Variants in TTN observed in about 807,000 individuals in gnomAD.
TTN encodes the protein titin.
Under a neutral mutation model 3,223.0 loss-of-function variants are expected in TTN, and 1,525 were observed. That is an observed-to-expected ratio of 0.47 (90% CI 0.45 to 0.49). The LOEUF is 0.49. Ranked by LOEUF, TTN falls within the 20% of genes least tolerant of loss-of-function variation. The pLI is 0.00. For missense variants in TTN, 40,786 were observed against 43,424.0 expected, an observed-to-expected ratio of 0.94 and a Z score of 5.40; for synonymous variants, 14,094 against 15,161.0, an observed-to-expected ratio of 0.93 and a Z score of 5.17.
intron 45 of TTN, among the ~76,000 whole-genome samples, chr2:178,757,231 T>TACTGTACTTACTTTATGTA: frequency 6.7e-6 from 1 of 148,986 alleles, no homozygotes; most frequent in African/African-American, 2.5e-5. Context: ...TAAGTAATAA[T>TACTGTACTTACTTTATGTA]CAGCAAATAG....
In TTN at chr2:178,597,688, T is replaced by C; in HGVS notation, c.57394A>G (p.Thr19132Ala). 1 of 1,613,300 alleles carries C rather than the reference T, an allele frequency of 6.2e-7. No homozygotes were observed. Among genetic ancestry groups the C allele is most frequent in the South Asian group, 1.1e-5 (1 of 91,068 alleles). Residue 19132 changes from threonine to alanine, a missense_variant, in exon 294 of 363, where the codon ACC (threonine) becomes GCC (alanine). Coordinates refer to ENST00000589042, the MANE Select transcript of TTN (RefSeq NM_001267550.2). ...PTVTWNMNERTLPQEATIETT... is the reference protein window; with the variant it reads ...PTVTWNMNERALPQEATIETT... ...TCAATGGTGGCTTCTTGAGGTAAGGTTCTTTCATTCATGTTCCAGGTGACG... is the reference window on the plus strand; with the variant it reads ...TCAATGGTGGCTTCTTGAGGTAAGGCTCTTTCATTCATGTTCCAGGTGACG...
chr2:178,595,457 C>G, intron 295 of TTN, 50 bp downstream of exon 295: 1 of 1,514,072 alleles, frequency 6.6e-7, no homozygotes, highest in Non-Finnish European at 8.9e-7. Context: ...TAGTCTTGTA[C>G]TAAATGAGTA....
intron 78 of TTN, 125 bp downstream of exon 78, chr2:178,721,722 T>C (rs1168812448): frequency 6.6e-6 from 7 of 1,066,092 alleles, no homozygotes; most frequent in African/African-American, 6.4e-5. Context: ...CCTCCAACAC[T>C]AATACACAAA....
rs1561471217 is a variant in TTN, at chr2:178,795,171, TGCCTGA to T, written c.990_995del (p.Gln331_Ala332del). 57 of 1,614,170 alleles carry T rather than the reference TGCCTGA, an allele frequency of 3.5e-5. No individual in the cohort carries two copies. Among genetic ancestry groups the T allele is most frequent in the Non-Finnish European group, 4.8e-5 (57 of 1,180,020 alleles). ...CTTCAGGACCTGTGGCCACGGTGGA[TGCCTGA>T]GTCTTACGCATGAGCAATGGAGACC... On this transcript the variant is annotated inframe_deletion, in exon 7 of 363. Transcript: ENST00000589042.
At position 178,732,256 on chromosome 2, in the gene TTN, A is replaced by G. The variant is rs2080677033; in HGVS notation, c.16713T>C (p.Pro5571=). 9 of 1,613,604 alleles carry G rather than the reference A, an allele frequency of 5.6e-6. No individual in the cohort carries two copies. The highest frequency in any genetic ancestry group is 7.6e-6 in the Non-Finnish European group (9 of 1,179,768). ...TQLACKVTGT[P]PIKITWFAND... ...TTGCAAACCATGTTATTTTAATTGG[A>G]GGGGTACCAGTTACTTTGCAGGCTA... The change falls in exon 57 of 363, where the codon CCT becomes CCC. Residue 5571 remains proline, a synonymous_variant. Transcript: ENST00000589042.
Position 178,602,309 on chromosome 2 carries a change from C to T in TTN, c.55093G>A (p.Gly18365Arg), listed in dbSNP as rs779878917. Residue 18365 changes from glycine to arginine, a missense_variant, in exon 283 of 363, where the codon GGG becomes AGG. Coordinates refer to ENST00000589042, the MANE Select transcript of TTN (RefSeq NM_001267550.2). Reference protein sequence around the residue: ...AGESEPSDTTGEIPATDIQEE... With the variant: ...AGESEPSDTTREIPATDIQEE... Reference sequence around the variant, plus strand: ...TGAATATCAGTGGCAGGGATCTCCCCAGTTGTATCACTTGGTTCAGATTCA... The same window carrying T: ...TGAATATCAGTGGCAGGGATCTCCCTAGTTGTATCACTTGGTTCAGATTCA... 1.9e-6 allele frequency: 3 copies of T among 1,612,778 alleles called. No individual in the cohort carries two copies. Among genetic ancestry groups the T allele is most frequent in the Non-Finnish European group, 2.5e-6 (3 of 1,179,238 alleles).
intron 217 of TTN, 179 bp from the exon 218 acceptor site, chr2:178,644,795 T>C: frequency 2.0e-6 from 1 of 496,054 alleles, no homozygotes; most frequent in Non-Finnish European, 3.5e-6. Context: ...CAGACTGCAG[T>C]TTTACTCCAA....
At chr2:178,670,122 G>T in intron 157 of TTN, 96 bp downstream of exon 157, 1 of 724,622 alleles carries the variant, frequency 1.4e-6, no homozygotes, top group Non-Finnish European at 2.1e-6. Context: ...GTCATTCATA[G>T]CCATCTTGTG....
intron 344 of TTN, 116 bp downstream of exon 344, chr2:178,545,272 T>C (rs933715600): frequency 2.1e-5 from 19 of 907,660 alleles, no homozygotes; most frequent in Admixed American, 1.4e-4. Context: ...CAAATAAGCA[T>C]GTGCTTTTCT....
rs869320740 is a variant in TTN, at chr2:178,546,102, A to G, written c.95134T>C (p.Cys31712Arg). The change falls in exon 343 of 363, where the codon TGT (cysteine) becomes CGT (arginine). Residue 31712 changes from cysteine to arginine, a missense_variant. Coordinates refer to ENST00000589042, the MANE Select transcript of TTN (RefSeq NM_001267550.2). ...ACTCTGCTGACGGTGAGCTTTCCAC[A>G]TGGGCCAGGGGAATCTGAAACAGGT... is the stretch of plus-strand genomic sequence containing the variant. Reference protein sequence around the residue: ...MVKVLDSPGPCGKLTVSRVTQ... With the variant: ...MVKVLDSPGPRGKLTVSRVTQ... 5 of 1,607,950 alleles carry G rather than the reference A, an allele frequency of 3.1e-6. No individual in the cohort carries two copies. The highest frequency in any genetic ancestry group is 2.6e-6 in the Non-Finnish European group (3 of 1,176,134).
intron 208 of TTN, 78 bp downstream of exon 208, chr2:178,651,165 A>G: frequency 1.6e-6 from 2 of 1,238,900 alleles, no homozygotes; most frequent in Non-Finnish European, 2.3e-6. Context: ...GAGGACTCGC[A>G]AACAAAAGGT....
At chr2:178,610,701 A>G (rs865865484) in intron 270 of TTN, among the ~76,000 whole-genome samples, 46 of 152,020 alleles carry the variant, frequency 3.0e-4, no homozygotes, top group African/African-American at 1.1e-3. Flanking sequence ...AAGCTGTGCA[A>G]TTAAAAAATT....
Position 178,615,500 on chromosome 2 carries a change from G to A in TTN, c.48461-16C>T. On this transcript the variant is annotated splice_polypyrimidine_tract_variant and intron_variant, in intron 258 of 362. Coordinates refer to ENST00000589042, the MANE Select transcript of TTN (RefSeq NM_001267550.2). ...TCAGGTACCGCTACAACATTTGGAA[G>A]AGAGAGTCAGTCTTACACAGGCCAC... 1.2e-6 allele frequency: 2 copies of A among 1,609,942 alleles called. No homozygotes were observed. The highest frequency in any genetic ancestry group is 1.1e-5 in the South Asian group (1 of 90,692).
chr2:178,783,168 CA>C lies in TTN; in HGVS notation c.2842-105del, dbSNP rs2092923840. ...TTGAACTTATGCATTTCAACTGCCACAAAATGGCCTTTTAATCAGGACTCCA... is the reference window on the plus strand; with the variant it reads ...TTGAACTTATGCATTTCAACTGCCACAAATGGCCTTTTAATCAGGACTCCA... On this transcript the variant is annotated intron_variant, in intron 17 of 362. Coordinates refer to ENST00000589042, the MANE Select transcript of TTN (RefSeq NM_001267550.2). 4 of 1,315,800 alleles carry C rather than the reference CA, an allele frequency of 3.0e-6. No homozygotes were observed. In the Admixed American group the frequency reaches 7.4e-5, roughly 24 times the overall value. The allele number at this position is 1,315,800 out of a possible 1,614,324, so 81.5% of individuals were successfully genotyped here. A position where few individuals can be genotyped will look rare whatever the true frequency, so the allele number is the denominator to read the frequency against.
intron 147 of TTN, among the ~76,000 whole-genome samples, chr2:178,676,507 G>A (rs1477773514): frequency 1.3e-5 from 2 of 151,792 alleles, no homozygotes; most frequent in African/African-American, 2.4e-5. Flanking sequence ...TGTACTATGA[G>A]CTGATTGAAT....
Position 178,718,418 on chromosome 2 carries a change from T to C in TTN, c.24688A>G (p.Ile8230Val). ...TAATCCTCTATTGTGCTCTCAAGAATTTCCAGTATGGTAGATTTTTCTGTC... is the reference window on the plus strand; with the variant it reads ...TAATCCTCTATTGTGCTCTCAAGAACTTCCAGTATGGTAGATTTTTCTGTC... ...TMTEKSTILE[I>V]LESTIEDYAQ... Residue 8230 changes from isoleucine to valine, a missense_variant, in exon 85 of 363, where the codon ATT (isoleucine) becomes GTT (valine). Coordinates refer to ENST00000589042, the MANE Select transcript of TTN (RefSeq NM_001267550.2). 6.2e-7 allele frequency: 1 copy of C among 1,613,814 alleles called. No individual in the cohort carries two copies.
chr2:178,792,508 C>T (rs1185221749), intron 9 of TTN, among the ~76,000 whole-genome samples: 1 of 152,116 alleles, frequency 6.6e-6, no homozygotes, highest in East Asian at 1.9e-4. Context: ...TTATTCTGTA[C>T]TAATTCTGTC....
At chr2:178,781,906 G>GTA (rs1491432075) in intron 20 of TTN, among the ~76,000 whole-genome samples, 4 of 864 alleles carry the variant, frequency 4.6e-3, no homozygotes, top group African/African-American at 6.1e-3. Flanking sequence ...TTTTCTGGAA[G>GTA]TGTGTGTGTG....
rs1315515272 is a variant in TTN, at chr2:178,587,910, T to G, written c.63497A>C (p.Lys21166Thr). ...AGGGAAGGACTTACCTAGTATTTCTTTAGGTTTGATAGCTTCCTTTAGCTC... is the reference window on the plus strand; with the variant it reads ...AGGGAAGGACTTACCTAGTATTTCTGTAGGTTTGATAGCTTCCTTTAGCTC... ...PAELKEAIKP[K>T]EILEPPEIDL... Residue 21166 changes from lysine (K) to threonine (T), a missense_variant, in exon 305 of 363, where the codon AAA becomes ACA. Transcript: ENST00000589042. 1 of 1,592,740 alleles carries G rather than the reference T, an allele frequency of 6.3e-7. No homozygotes were observed. Among genetic ancestry groups the G allele is most frequent in the South Asian group, 1.1e-5 (1 of 88,662 alleles).
Sources: gnomAD v4.1 joint callset for allele counts (sites outside exome capture counted in the v4.1 genomes callset) on GRCh38, gnomAD v4.1.1 for gene constraint, MANE v1.5 for transcripts, NCBI Gene and HGNC (gene_info 2026-07-23, HGNC 2026-07-21) for gene names.